The following ATP2B4 variants were observed in gnomAD, a reference collection of about 807,000 sequenced individuals.
The protein encoded by ATP2B4 is ATPase plasma membrane Ca2+ transporting 4.
Under a neutral mutation model 110.3 loss-of-function variants are expected in ATP2B4, and 39 were observed. The observed-to-expected ratio is 0.35, with a 90% CI of 0.27 to 0.46. ATP2B4 has a LOEUF of 0.46. ATP2B4 is among the 20% of genes least tolerant of loss of function. ATP2B4 has a pLI of 1.00. For missense variants in ATP2B4, 1,135 were observed against 1,530.9 expected (o/e 0.74, Z 4.32); for synonymous variants, 538 against 571.7 (o/e 0.94, Z 0.84).
intron 17 of ATP2B4, 97 bp downstream of exon 17, chr1:203,721,507 A>G: frequency 7.9e-7 from 1 of 1,261,210 alleles, no homozygotes; most frequent in Non-Finnish European, 1.1e-6. Flanking sequence ...GGTCAGGAAT[A>G]AGCGCAGCTT....
chr1:203,722,597 T>A lies in ATP2B4; in HGVS notation c.2932T>A (p.Ser978Thr). 1 of 1,614,108 alleles carries A rather than the reference T, an allele frequency of 6.2e-7. No individual in the cohort carries two copies. The highest frequency in any genetic ancestry group is 8.5e-7 in the Non-Finnish European group (1 of 1,180,010). The change falls in exon 18 of 21, where the codon TCC becomes ACC. Residue 978 changes from serine to threonine, a missense_variant. By Grantham distance (58) the Ser-to-Thr change is moderately conservative. Around this residue, in one of 9 missense-constraint regions of ATP2B4, gnomAD observed 155 missense variants for 186.2 expected, o/e 0.83. Transcript: ENST00000357681. ...VLMQLFNEIN[S>T]RKIHGEKNVF... ...GATGCAGCTCTTCAATGAAATCAAC[T>A]CCCGAAAGATCCATGGAGAGAAGAA...
intron 10 of ATP2B4, 86 bp from the exon 11 acceptor site, chr1:203,709,215 G>T: frequency 3.2e-6 from 5 of 1,544,374 alleles, no homozygotes; most frequent in Non-Finnish European, 4.4e-6. Context: ...TAATGTGAAG[G>T]CTTTGTAAAT....
chr1:203,732,568 C>T (rs1666760797), intron 20 of ATP2B4, among the ~76,000 whole-genome samples: 1 of 152,068 alleles, frequency 6.6e-6, no homozygotes, highest in Non-Finnish European at 1.5e-5. Flanking sequence ...TACTAAATGG[C>T]CCCTGTTTTT....
intron 1 of ATP2B4, among the ~76,000 whole-genome samples, chr1:203,642,600 A>C (rs1663665285): frequency 6.6e-6 from 1 of 152,206 alleles, no homozygotes; most frequent in South Asian, 2.1e-4. Context: ...TATAGCAAAG[A>C]ATGCTAATTT....
At chr1:203,725,205 T>C (rs1404986912) in intron 19 of ATP2B4, among the ~76,000 whole-genome samples, 3 of 150,926 alleles carry the variant, frequency 2.0e-5, no homozygotes, top group Non-Finnish European at 4.4e-5. Flanking sequence ...TGGAGTGCAA[T>C]GGTGCAATCT....
chr1:203,701,546 A>C (rs529346541), intron 6 of ATP2B4, among the ~76,000 whole-genome samples: 2 of 152,310 alleles, frequency 1.3e-5, no homozygotes, highest in South Asian at 4.1e-4. Flanking sequence ...ACTTGGCTGG[A>C]GAATCATCTT....
chr1:203,703,063 T>C (rs1665739345), intron 7 of ATP2B4, among the ~76,000 whole-genome samples: 1 of 152,120 alleles, frequency 6.6e-6, no homozygotes, highest in Admixed American at 6.5e-5. Context: ...TCTACCTTTG[T>C]CAGGCAGGGA....
intron 1 of ATP2B4, among the ~76,000 whole-genome samples, chr1:203,664,220 C>T (rs1292935060): frequency 1.3e-5 from 2 of 152,148 alleles, no homozygotes; most frequent in African/African-American, 2.4e-5. Flanking sequence ...GAACCTCAGA[C>T]AGATAGATTC....
At chr1:203,699,784 A>G in intron 4 of ATP2B4, 67 bp downstream of exon 4, 1 of 1,581,322 alleles carries the variant, frequency 6.3e-7, no homozygotes, top group Admixed American at 1.8e-5. Context: ...GTCCTTTGGC[A>G]TGAGGGGGCT....
intron 20 of ATP2B4, among the ~76,000 whole-genome samples, chr1:203,738,928 G>C (rs1368687414): frequency 6.6e-6 from 1 of 152,184 alleles, no homozygotes; most frequent in Non-Finnish European, 1.5e-5. Flanking sequence ...TATTATTAGA[G>C]AGTTTTAAGT....
At chr1:203,644,712 A>G (rs1177754928) in intron 1 of ATP2B4, among the ~76,000 whole-genome samples, 1 of 152,150 alleles carries the variant, frequency 6.6e-6, no homozygotes, top group Non-Finnish European at 1.5e-5. Context: ...GGCTTCAGTG[A>G]CAGAGACTGG....
rs79482467 is a variant in ATP2B4 at position 203,738,870 on chromosome 1, G to T, written c.3310-676G>T. ...ATTTGCGGGGAGGGGACACAGTGGTGGTTGTGGGATATAAAAATATGCATG... is the reference window on the plus strand; with the variant it reads ...ATTTGCGGGGAGGGGACACAGTGGTTGTTGTGGGATATAAAAATATGCATG... On this transcript the variant is annotated intron_variant, in intron 20 of 20. Transcript: ENST00000357681. Among the ~76,000 whole-genome samples, 1,292 of 152,296 alleles carry T rather than the reference G, an allele frequency of 8.5e-3. 21 individuals carry two copies. The highest frequency in any genetic ancestry group is 0.03 in the African/African-American group (1,251 of 41,560).
chr1:203,727,798 A>C, intron 20 of ATP2B4: 1 of 537,588 alleles, frequency 1.9e-6, no homozygotes, highest in African/African-American at 1.9e-5. Context: ...CACTATTAGC[A>C]TAGTCCTTTA....
intron 1 of ATP2B4, among the ~76,000 whole-genome samples, chr1:203,632,713 A>C (rs1015728339): frequency 1.3e-5 from 2 of 151,186 alleles, no homozygotes; most frequent in African/African-American, 2.4e-5. Context: ...AAAAAAAAAA[A>C]CCACCTACAA....
Position 203,707,146 on chromosome 1 carries a change from G to T in ATP2B4, c.1237G>T (p.Gly413Cys). ...IQYFVKFFIIGITVLVVAVPE... is the reference protein window; with the variant it reads ...IQYFVKFFIICITVLVVAVPE... ...GTACTTTGTCAAGTTCTTCATCATC[G>T]GCATCACTGTACTGGTGGTGGCTGT... Residue 413 changes from glycine to cysteine, a missense_variant, in exon 9 of 21, where the codon GGC becomes TGC. Transcript: ENST00000357681. The T allele has an allele frequency of 6.2e-7, 1 of 1,614,052 alleles. No homozygotes were observed.
In ATP2B4 at chr1:203,706,748, T is replaced by A. The variant is rs557964113; in HGVS notation, c.1100-261T>A. On this transcript the variant is annotated intron_variant, in intron 8 of 20. Coordinates refer to ENST00000357681, the MANE Select transcript of ATP2B4 (RefSeq NM_001684.5). The stretch of plus-strand genomic sequence containing the variant: ...ATCTAGGAAACAGGCCCAGAGAGGG[T>A]CAATGACTTGTCCAAAGCCACAAGT... Among the ~76,000 whole-genome samples the A allele has an allele frequency of 6.6e-5, 10 of 152,238 alleles. No homozygotes were observed. In the South Asian group the frequency reaches 1.9e-3, roughly 28 times the overall value.
At chr1:203,711,364 A>G (rs6655965) in intron 12 of ATP2B4, among the ~76,000 whole-genome samples, 79,816 of 151,974 alleles carry the variant, frequency 0.53, 22,300 homozygotes, top group East Asian at 0.82. Context: ...TCAGGAGGTC[A>G]ATTTAGCCAG....
chr1:203,657,726 T>G, intron 1 of ATP2B4: 1 of 739,602 alleles, frequency 1.4e-6, no homozygotes, highest in Non-Finnish European at 2.5e-6. Flanking sequence ...TCCATAGTGT[T>G]TATGGTGTAA....
chr1:203,718,229 T>C (rs1666215594), intron 15 of ATP2B4, among the ~76,000 whole-genome samples: 1 of 151,966 alleles, frequency 6.6e-6, no homozygotes. Context: ...TTTTAAAGAA[T>C]TATAGATGTC....
Sources: allele counts gnomAD v4.1 joint callset (sites outside exome capture counted in the v4.1 genomes callset), GRCh38; gene constraint gnomAD v4.1.1; regional missense constraint gnomAD v4.1.1; transcripts MANE v1.5; gene names NCBI Gene and HGNC (gene_info 2026-07-23, HGNC 2026-07-21).